CPEB1: variants seen among roughly 807,000 people sequenced by gnomAD.
The protein encoded by CPEB1 is cytoplasmic polyadenylation element binding protein 1, also known as cytoplasmic polyadenylation element-binding protein 1.
In CPEB1, 7 loss-of-function variants were observed where a neutral mutation model predicts 65.8. That is an observed-to-expected ratio of 0.11 (90% CI 0.06 to 0.20). The LOEUF is 0.20. Among genes scored for constraint, CPEB1 ranks in the 10% least tolerant of loss-of-function variants. The pLI, the probability that CPEB1 is intolerant of heterozygous loss-of-function variation, is 1.00. For missense variants in CPEB1, 551 were observed against 712.2 expected (o/e 0.77, Z 2.58); for synonymous variants, 262 against 260.0 (o/e 1.01, Z -0.08).
intron 9 of CPEB1, among the ~76,000 whole-genome samples, chr15:82,550,399 G>C (rs751593740): frequency 3.9e-5 from 6 of 152,208 alleles, no homozygotes; most frequent in East Asian, 3.8e-4. Flanking sequence ...TCAAAGGACA[G>C]GTGATTAAGA....
At chr15:82,632,722 T>C (rs1337203771) in intron 1 of CPEB1, among the ~76,000 whole-genome samples, 1 of 151,246 alleles carries the variant, frequency 6.6e-6, no homozygotes, top group African/African-American at 2.4e-5. Context: ...AGAGAAAAGG[T>C]CTCGCTATGT....
intron 10 of CPEB1, chr15:82,548,882 C>T (rs1232344119): frequency 9.8e-6 from 3 of 305,862 alleles, no homozygotes; most frequent in Non-Finnish European, 2.0e-5. Flanking sequence ...TCTGCTCCAC[C>T]TCCATACCTC....
chr15:82,581,808 T>C (rs2041310124), intron 3 of CPEB1, among the ~76,000 whole-genome samples: 1 of 152,218 alleles, frequency 6.6e-6, no homozygotes, highest in African/African-American at 2.4e-5. Flanking sequence ...CAAGTGGTCC[T>C]AAAGACAATG....
chr15:82,576,481 G>A (rs1354239869), intron 3 of CPEB1, among the ~76,000 whole-genome samples: 2 of 152,192 alleles, frequency 1.3e-5, no homozygotes, highest in Non-Finnish European at 2.9e-5. Flanking sequence ...TTGAATACTA[G>A]TTAATGATAT....
At chr15:82,547,288 ACT>A in intron 10 of CPEB1, 51 bp from the exon 11 acceptor site, 78 of 642,568 alleles carry the variant, frequency 1.2e-4, no homozygotes, top group Non-Finnish European at 1.6e-4. Flanking sequence ...CCCAAATGCT[ACT>A]TTTTTTTTTT....
chr15:82,635,335 T>C (rs2046571944), intron 1 of CPEB1, among the ~76,000 whole-genome samples: 1 of 152,206 alleles, frequency 6.6e-6, no homozygotes, highest in African/African-American at 2.4e-5. Context: ...ACATTTTCCT[T>C]ATGGAAGAAT....
At position 82,573,947 on chromosome 15, in the gene CPEB1, C is replaced by T. The variant is rs151213097; in HGVS notation, c.272-2415G>A. Among the ~76,000 whole-genome samples the T allele has an allele frequency of 2.8e-4, 42 of 152,188 alleles. No homozygotes were observed. In the East Asian group the frequency reaches 6.6e-3, roughly 24 times the overall value. Reference sequence around the variant, plus strand: ...CTGCACCACTGTACTCCAGCCTGGGCGACAAAGTAGTTCCCATCTCAAAAG... The same window carrying T: ...CTGCACCACTGTACTCCAGCCTGGGTGACAAAGTAGTTCCCATCTCAAAAG... On this transcript the variant is annotated intron_variant, in intron 3 of 12. Coordinates refer to ENST00000684509, the MANE Select transcript of CPEB1 (RefSeq NM_001365242.1).
intron 1 of CPEB1, among the ~76,000 whole-genome samples, chr15:82,634,403 C>T (rs899938204): frequency 3.3e-5 from 5 of 152,210 alleles, no homozygotes; most frequent in Admixed American, 1.3e-4. Flanking sequence ...ATTCTGGCAG[C>T]TCAAAATCTT....
chr15:82,562,154 CT>C (rs66642827), intron 4 of CPEB1: 154,984 of 405,798 alleles, frequency 0.38, 8,737 homozygotes, highest in Middle Eastern at 0.43. Context: ...TCACTAGCTA[CT>C]TTTTTTTTTT....
chr15:82,559,263 C>T (rs374425208), intron 4 of CPEB1, among the ~76,000 whole-genome samples: 3 of 152,154 alleles, frequency 2.0e-5, no homozygotes, highest in African/African-American at 7.2e-5. Flanking sequence ...CACAAGATCC[C>T]AAACATCTGT....
At chr15:82,632,230 C>T (rs1186437317) in intron 1 of CPEB1, among the ~76,000 whole-genome samples, 1 of 152,092 alleles carries the variant, frequency 6.6e-6, no homozygotes, top group South Asian at 2.1e-4. Context: ...GATCCGCCCA[C>T]CTTGGCCTCC....
chr15:82,612,419 C>T (rs1030064718), intron 3 of CPEB1, among the ~76,000 whole-genome samples: 3 of 150,942 alleles, frequency 2.0e-5, no homozygotes, highest in African/African-American at 7.3e-5. Context: ...ATCGCTTGAG[C>T]CCGGGAGGCA....
intron 2 of CPEB1, 24 bp from the exon 3 acceptor site, chr15:82,627,391 T>C: frequency 1.9e-6 from 3 of 1,584,046 alleles, no homozygotes; most frequent in Non-Finnish European, 1.7e-6. Context: ...AAAAAAGATA[T>C]TTAGGTTTTC....
At chr15:82,593,015 CTT>C (rs1424635937) in intron 3 of CPEB1, among the ~76,000 whole-genome samples, 2 of 152,002 alleles carry the variant, frequency 1.3e-5, no homozygotes, top group Non-Finnish European at 2.9e-5. Context: ...AAAAAAGAAA[CTT>C]AATAATTATC....
At chr15:82,601,853 T>C (rs929094397) in intron 3 of CPEB1, among the ~76,000 whole-genome samples, 10 of 151,898 alleles carry the variant, frequency 6.6e-5, no homozygotes, top group African/African-American at 2.4e-4. Flanking sequence ...CATACAAAAA[T>C]CAATAAAGCC....
chr15:82,594,822 A>T (rs1169896054), intron 3 of CPEB1, among the ~76,000 whole-genome samples: 1 of 149,458 alleles, frequency 6.7e-6, no homozygotes, highest in Non-Finnish European at 1.5e-5. Flanking sequence ...AATTTTCCTA[A>T]TTTCAATTTT....
At chr15:82,601,799 A>G (rs549115178) in intron 3 of CPEB1, among the ~76,000 whole-genome samples, 2 of 140,904 alleles carry the variant, frequency 1.4e-5, no homozygotes, top group East Asian at 4.2e-4. Context: ...AAGTATCGAG[A>G]GATCAATCTA....
rs1595983298 is a variant in CPEB1 at position 82,543,533 on chromosome 15, A to G, written c.*1059T>C. The G allele has an allele frequency of 6.6e-6, 1 of 151,170 alleles. No individual in the cohort carries two copies. The allele number at this position is 151,170 out of a possible 1,614,324, so 9.4% of individuals were successfully genotyped here. Reference sequence around the variant, plus strand: ...TCAAATTCCAGTGGCATTTCAGTCAACTGCAACTGTTATCTCATACATTCC... The same window carrying G: ...TCAAATTCCAGTGGCATTTCAGTCAGCTGCAACTGTTATCTCATACATTCC... On this transcript the variant is annotated 3_prime_UTR_variant, in exon 13 of 13. Coordinates refer to ENST00000684509, the MANE Select transcript of CPEB1 (RefSeq NM_001365242.1).
At chr15:82,594,364 A>AAAAAAAG (rs71453400) in intron 3 of CPEB1, among the ~76,000 whole-genome samples, 4 of 150,124 alleles carry the variant, frequency 2.7e-5, no homozygotes, top group Admixed American at 6.7e-5. Flanking sequence ...TGAACCAAAA[A>AAAAAAAG]AAAAGAAAAG....
Sources: gnomAD v4.1 joint callset for allele counts (sites outside exome capture counted in the v4.1 genomes callset) on GRCh38, gnomAD v4.1.1 for gene constraint, MANE v1.5 for transcripts, NCBI Gene and HGNC (gene_info 2026-07-23, HGNC 2026-07-21) for gene names.